The following FUT9 variants were observed in gnomAD, a reference collection of about 807,000 sequenced individuals.
FUT9 encodes fucosyltransferase 9.
A neutral mutation model predicts 29.7 loss-of-function variants in FUT9; 15 were observed. The ratio of observed to expected loss-of-function variants is 0.51; its 90% CI spans 0.34 to 0.78. The LOEUF (loss-of-function observed/expected upper bound fraction) is 0.78, where lower values mean the gene tolerates loss of function less well. Among genes scored for constraint, FUT9 ranks in the 30% least tolerant of loss-of-function variants. FUT9 has a pLI of 0.01. For missense variants in FUT9, 319 were observed against 425.4 expected (o/e 0.75, Z 2.20); for synonymous variants, 169 against 153.7 (o/e 1.10, Z -0.74).
chr6:96,210,449 C>T lies in FUT9; in HGVS notation c.*6214C>T, dbSNP rs1169525113. 6.0e-6 allele frequency: 1 copy of T among 166,756 alleles called. No individual in the cohort carries two copies. The highest frequency in any genetic ancestry group is 1.5e-5 in the Non-Finnish European group (1 of 68,038). 10.3% of individuals were successfully genotyped at this position (166,756 alleles called of 1,614,324 possible). On this transcript the variant is annotated 3_prime_UTR_variant, in exon 3 of 3. Transcript: ENST00000302103. ...TAAAATTGCAGATGTCCAAACCCCA[C>T]CTCCAGAGAGCTGATCTATTTAGTT...
At chr6:96,110,815 C>CTATTTTTTATTTATTTACTTATTTATT (rs11283884) in intron 1 of FUT9, among the ~76,000 whole-genome samples, 1 of 145,046 alleles carries the variant, frequency 6.9e-6, no homozygotes. Context: ...ACAAATGTGC[C>CTATTTTTTATTTATTTACTTATTTATT]TATTTATTTA....
chr6:96,106,792 C>T (rs969694068), intron 1 of FUT9, among the ~76,000 whole-genome samples: 2 of 152,098 alleles, frequency 1.3e-5, no homozygotes, highest in African/African-American at 4.8e-5. Context: ...TTCCAAGACC[C>T]CCTTAGAGCT....
Position 96,208,769 on chromosome 6 carries a change from A to C in FUT9, c.*4534A>C, listed in dbSNP as rs1446960004. On this transcript the variant is annotated 3_prime_UTR_variant, in exon 3 of 3. Transcript: ENST00000302103. Reference sequence around the variant, plus strand: ...TCAACTGTTTCTAAAAGGAAAGAAAATTAGTATTTAAGGAGAGTATAAAGT... The same window carrying C: ...TCAACTGTTTCTAAAAGGAAAGAAACTTAGTATTTAAGGAGAGTATAAAGT... 1 of 166,832 alleles carries C rather than the reference A, an allele frequency of 6.0e-6. No individual in the cohort carries two copies. Among genetic ancestry groups the C allele is most frequent in the African/African-American group, 2.4e-5 (1 of 41,450 alleles). The allele number at this position is 166,832 out of a possible 1,614,324, so 10.3% of individuals were successfully genotyped here.
At chr6:96,062,634 G>A (rs1770896164) in intron 1 of FUT9, among the ~76,000 whole-genome samples, 1 of 152,086 alleles carries the variant, frequency 6.6e-6, no homozygotes, top group Admixed American at 6.6e-5. Context: ...AGGATAGGAT[G>A]GAGAGAGGAA....
intron 2 of FUT9, among the ~76,000 whole-genome samples, chr6:96,143,497 C>T (rs1456141225): frequency 1.3e-5 from 2 of 151,836 alleles, no homozygotes; most frequent in Non-Finnish European, 2.9e-5. Context: ...TTCCTTCCAT[C>T]CTTCCTTTCT....
intron 2 of FUT9, among the ~76,000 whole-genome samples, chr6:96,189,418 G>A (rs1390584292): frequency 1.3e-5 from 2 of 151,960 alleles, no homozygotes; most frequent in African/African-American, 4.8e-5. Flanking sequence ...CCCTAAAACA[G>A]AATGGTAATA....
At chr6:96,131,247 C>T (rs1407852483) in intron 2 of FUT9, among the ~76,000 whole-genome samples, 1 of 151,926 alleles carries the variant, frequency 6.6e-6, no homozygotes, top group Non-Finnish European at 1.5e-5. Context: ...AAAAATAGAA[C>T]ATATTATGAA....
At chr6:96,082,533 T>C (rs1249949986) in intron 1 of FUT9, among the ~76,000 whole-genome samples, 1 of 151,922 alleles carries the variant, frequency 6.6e-6, no homozygotes, top group Non-Finnish European at 1.5e-5. Flanking sequence ...TATATAACAA[T>C]AGCTTCATAA....
intron 2 of FUT9, among the ~76,000 whole-genome samples, chr6:96,166,198 G>C (rs1168218111): frequency 6.6e-6 from 1 of 151,440 alleles, no homozygotes; most frequent in Non-Finnish European, 1.5e-5. Flanking sequence ...TAATATTAAA[G>C]AACGTCATAT....
intron 2 of FUT9, among the ~76,000 whole-genome samples, chr6:96,184,903 A>T (rs138272033): frequency 6.6e-5 from 10 of 152,030 alleles, no homozygotes; most frequent in African/African-American, 2.4e-4. Context: ...ATCAAAGTTT[A>T]GGTTTGTTTA....
chr6:96,118,033 C>T (rs895301397), intron 2 of FUT9, among the ~76,000 whole-genome samples: 6 of 151,806 alleles, frequency 4.0e-5, no homozygotes, highest in African/African-American at 1.2e-4. Flanking sequence ...CAATGAAAAC[C>T]CATCTCTACT....
At chr6:96,021,623 C>T (rs191935252) in intron 1 of FUT9, among the ~76,000 whole-genome samples, 3 of 151,972 alleles carry the variant, frequency 2.0e-5, no homozygotes, top group Non-Finnish European at 2.9e-5. Context: ...GTTTTATTTA[C>T]TCTGATGAAT....
intron 2 of FUT9, among the ~76,000 whole-genome samples, chr6:96,175,360 A>T (rs1260122820): frequency 6.6e-6 from 1 of 152,140 alleles, no homozygotes; most frequent in Admixed American, 6.5e-5. Context: ...TATCTGTCTC[A>T]TTCCATCTTT....
At chr6:96,162,950 T>C (rs1452989025) in intron 2 of FUT9, among the ~76,000 whole-genome samples, 2 of 152,194 alleles carry the variant, frequency 1.3e-5, no homozygotes, top group Non-Finnish European at 2.9e-5. Context: ...GGTAAAGTCT[T>C]TTCCCTTGCA....
intron 2 of FUT9, among the ~76,000 whole-genome samples, chr6:96,144,136 C>T (rs563108258): frequency 2.0e-4 from 31 of 152,288 alleles, no homozygotes; most frequent in African/African-American, 5.8e-4. Flanking sequence ...CACTCATATA[C>T]GTAGAGTAAT....
chr6:96,121,202 A>T (rs1374833520), intron 2 of FUT9, among the ~76,000 whole-genome samples: 1 of 152,186 alleles, frequency 6.6e-6, no homozygotes, highest in Non-Finnish European at 1.5e-5. Context: ...TACCTATAAT[A>T]GTGACTACTT....
chr6:96,026,601 C>T (rs991777187), intron 1 of FUT9, among the ~76,000 whole-genome samples: 2 of 151,584 alleles, frequency 1.3e-5, no homozygotes, highest in Non-Finnish European at 3.0e-5. Flanking sequence ...TAATATTTCT[C>T]CAATGCTTTA....
chr6:96,190,041 G>C (rs558112417), intron 2 of FUT9, among the ~76,000 whole-genome samples: 58 of 152,150 alleles, frequency 3.8e-4, no homozygotes, highest in African/African-American at 1.3e-3. Flanking sequence ...GCAGTGGTTG[G>C]TACCGGTTGT....
At chr6:96,138,736 A>G (rs1222157580) in intron 2 of FUT9, among the ~76,000 whole-genome samples, 1 of 152,178 alleles carries the variant, frequency 6.6e-6, no homozygotes, top group Non-Finnish European at 1.5e-5. Flanking sequence ...CTCTTATGTC[A>G]CTTGTCACCA....
Sources: gnomAD v4.1 joint callset for allele counts (sites outside exome capture counted in the v4.1 genomes callset) on GRCh38, gnomAD v4.1.1 for gene constraint, MANE v1.5 for transcripts, NCBI Gene and HGNC (gene_info 2026-07-23, HGNC 2026-07-21) for gene names.